NUP58: variants seen among roughly 807,000 people sequenced by gnomAD.
The protein encoded by NUP58 is nucleoporin p58/p45.
In NUP58, 17 loss-of-function variants were observed where a neutral mutation model predicts 70.1. The observed-to-expected ratio is 0.24, with a 90% CI of 0.17 to 0.36. The LOEUF is 0.36. Among genes scored for constraint, NUP58 ranks in the 10% least tolerant of loss-of-function variants. The pLI is 1.00. For synonymous variants in NUP58, 275 were observed against 257.6 expected (o/e 1.07, Z -0.65); for missense variants, 644 against 701.5 (o/e 0.92, Z 0.93).
Position 25,319,329 on chromosome 13 carries a change from A to G in NUP58, c.689A>G (p.Asp230Gly), listed in dbSNP as rs772310102. 148 of 1,612,960 alleles carry G rather than the reference A, an allele frequency of 9.2e-5. 3 individuals carry two copies. In the South Asian group the frequency reaches 1.2e-3, roughly 13 times the overall value. Residue 230 changes from aspartate to glycine, a missense_variant, in exon 7 of 16, where the codon GAT (aspartate) becomes GGT (glycine). By Grantham distance (94) the Asp-to-Gly change is moderately conservative (BLOSUM62 -1). This residue lies in a region of NUP58 where 430 missense variants were observed against 409.2 expected (regional missense o/e 1.05). Coordinates refer to ENST00000381736, the MANE Select transcript of NUP58 (RefSeq NM_014089.4). ...DFSSSSDKKS[D>G]KTGTRPEDSK... ...TGAAGCTTCTTGAATTTTCTAGGTG[A>G]TAAAACGGGAACAAGACCAGAGTAA... is the stretch of plus-strand genomic sequence containing the variant.
In NUP58 at chr13:25,324,962, T is replaced by C. The variant is rs2031336797; in HGVS notation, c.952-27T>C. 2.7e-6 allele frequency: 4 copies of C among 1,459,602 alleles called. No individual in the cohort carries two copies. In the East Asian group the frequency reaches 9.1e-5, roughly 33 times the overall value. 90.4% of individuals were successfully genotyped at this position (1,459,602 alleles called of 1,614,324 possible). A position where few individuals can be genotyped will look rare whatever the true frequency, so the allele number is the denominator to read the frequency against. The stretch of plus-strand genomic sequence containing the variant: ...CATAACTCTTAACTGGCTTTTTTTT[T>C]TTTTTTTAAATCCTCTGGTATATTA... On this transcript the variant is annotated intron_variant, in intron 9 of 15. Coordinates refer to ENST00000381736, the MANE Select transcript of NUP58 (RefSeq NM_014089.4).
At chr13:25,336,646 A>C (rs180977790) in intron 13 of NUP58, among the ~76,000 whole-genome samples, 20 of 152,222 alleles carry the variant, frequency 1.3e-4, no homozygotes, top group African/African-American at 4.8e-4. Flanking sequence ...ATTTCAAATT[A>C]TTTAGTAGAT....
chr13:25,328,775 C>T (rs1304417720), intron 12 of NUP58, among the ~76,000 whole-genome samples: 2 of 152,150 alleles, frequency 1.3e-5, no homozygotes, highest in African/African-American at 2.4e-5. Flanking sequence ...TACATCTTTT[C>T]TAACTAACTG....
chr13:25,315,250 T>C, intron 5 of NUP58, 107 bp from the exon 6 acceptor site: 1 of 800,856 alleles, frequency 1.2e-6, no homozygotes, highest in Non-Finnish European at 2.0e-6. Context: ...AAATCAAATA[T>C]GAAGAAAATC....
chr13:25,303,556 G>A (rs2030140174), intron 1 of NUP58, among the ~76,000 whole-genome samples: 1 of 151,846 alleles, frequency 6.6e-6, no homozygotes, highest in Admixed American at 6.6e-5. Flanking sequence ...TTTTCAAGTG[G>A]GCTTTGCCAG....
rs2031604581 is a variant in NUP58, at chr13:25,331,500, A to G, written c.1377A>G (p.Pro459=). 1.2e-6 allele frequency: 2 copies of G among 1,614,038 alleles called. No homozygotes were observed. Among genetic ancestry groups the G allele is most frequent in the South Asian group, 2.2e-5 (2 of 91,088 alleles). ...TTGPTPFSTM[P]NAAAVAMAAT... is the part of the protein sequence containing the mutation. ...GACCCACTCCTTTCAGCACCATGCCAAACGCAGCAGCCGTTGCCATGGCTG... is the reference window on the plus strand; with the variant it reads ...GACCCACTCCTTTCAGCACCATGCCGAACGCAGCAGCCGTTGCCATGGCTG... Residue 459 remains proline, a synonymous_variant, in exon 13 of 16, where the codon CCA becomes CCG. Transcript: ENST00000381736.
chr13:25,304,314 T>G (rs2030181178), intron 1 of NUP58, among the ~76,000 whole-genome samples: 1 of 151,852 alleles, frequency 6.6e-6, no homozygotes, highest in Non-Finnish European at 1.5e-5. Context: ...TGGTCAAGTT[T>G]AGGGTAGCTT....
chr13:25,347,008 T>C (rs1402401300), downstream of NUP58, among the ~76,000 whole-genome samples: 1 of 152,232 alleles, frequency 6.6e-6, no homozygotes, highest in Non-Finnish European at 1.5e-5. Flanking sequence ...TATTTTCATA[T>C]ACATAATGAC....
intron 13 of NUP58, chr13:25,332,183 T>C (rs2031631981): frequency 1.0e-6 from 1 of 985,730 alleles, no homozygotes; most frequent in African/African-American, 1.7e-5. Context: ...AAAGATGTTT[T>C]GAGATGTGGA....
At chr13:25,309,200 T>C (rs762884761) in intron 2 of NUP58, 47 bp from the exon 3 acceptor site, 2 of 1,414,204 alleles carry the variant, frequency 1.4e-6, no homozygotes, top group Non-Finnish European at 2.0e-6. Context: ...ACCTAAAGAA[T>C]GTCATCTTCA....
At chr13:25,302,055 C>A (rs1000900259) in intron 1 of NUP58, among the ~76,000 whole-genome samples, 175 bp downstream of exon 1, 2 of 152,218 alleles carry the variant, frequency 1.3e-5, no homozygotes, top group Admixed American at 1.3e-4. Context: ...GTACCCGGGC[C>A]CAGCGCGGCC....
downstream of NUP58, among the ~76,000 whole-genome samples, chr13:25,344,782 C>T (rs1229405813): frequency 1.3e-5 from 2 of 152,064 alleles, no homozygotes; most frequent in African/African-American, 4.8e-5. Flanking sequence ...GAATTGAGTG[C>T]AAATTTTTAT....
chr13:25,327,166 C>T, intron 11 of NUP58, 132 bp downstream of exon 11: 1 of 600,044 alleles, frequency 1.7e-6, no homozygotes, highest in Non-Finnish European at 3.0e-6. Flanking sequence ...TTTACTACTC[C>T]TTTATTCCCT....
intron 1 of NUP58, chr13:25,303,125 C>T (rs1265775860): frequency 4.4e-6 from 2 of 455,566 alleles, no homozygotes; most frequent in Admixed American, 2.3e-5. Flanking sequence ...CAATCAACTT[C>T]TTCAATCTGT....
downstream of NUP58, among the ~76,000 whole-genome samples, chr13:25,344,495 A>T (rs2032026470): frequency 1.3e-5 from 2 of 152,132 alleles, no homozygotes; most frequent in African/African-American, 4.8e-5. Context: ...TGTATACCTG[A>T]TAGGAAGCTG....
intron 10 of NUP58, 50 bp from the exon 11 acceptor site, chr13:25,326,866 A>C (rs752969223): frequency 7.7e-5 from 77 of 1,003,074 alleles, no homozygotes; most frequent in Non-Finnish European, 1.1e-4. Flanking sequence ...TGGATTTGTC[A>C]CTCCAAATTA....
chr13:25,327,996 C>T (rs1279349413), intron 12 of NUP58, among the ~76,000 whole-genome samples: 1 of 151,998 alleles, frequency 6.6e-6, no homozygotes, highest in Non-Finnish European at 1.5e-5. Context: ...GTCAGGAGTT[C>T]AAGACCAGCC....
intron 1 of NUP58, among the ~76,000 whole-genome samples, chr13:25,304,266 C>A (rs1397832359): frequency 5.3e-5 from 8 of 151,942 alleles, no homozygotes; most frequent in Admixed American, 5.2e-4. Context: ...TACATCCTAT[C>A]AAGTCCTTGG....
intron 2 of NUP58, 32 bp downstream of exon 2, chr13:25,307,980 T>C (rs773831884): frequency 1.0e-4 from 165 of 1,610,154 alleles, no homozygotes; most frequent in Non-Finnish European, 1.3e-4. Context: ...TGTCAGAGAG[T>C]AGGCTTGGGA....
Sources: allele counts gnomAD v4.1 joint callset (sites outside exome capture counted in the v4.1 genomes callset), GRCh38; gene constraint gnomAD v4.1.1; regional missense constraint gnomAD v4.1.1; transcripts MANE v1.5; gene names NCBI Gene and HGNC (gene_info 2026-07-23, HGNC 2026-07-21).